Variants in MMD observed in about 807,000 individuals in gnomAD.
MMD encodes monocyte to macrophage differentiation associated, also known as monocyte to macrophage differentiation factor.
A neutral mutation model predicts 33.6 loss-of-function variants in MMD; 22 were observed. The observed-to-expected ratio is 0.66, with a 90% CI of 0.47 to 0.94. The LOEUF (loss-of-function observed/expected upper bound fraction) is 0.94. Among genes scored for constraint, MMD ranks in the 40% least tolerant of loss-of-function variants. The probability of loss-of-function intolerance (pLI) is 0.00; values close to 1 mark genes in which losing one functional copy is unlikely to be tolerated. For missense variants in MMD, 242 were observed against 309.8 expected (o/e 0.78, Z 1.64); for synonymous variants, 97 against 103.2 (o/e 0.94, Z 0.36).
chr17:55,407,200 G>A (rs529072511), intron 4 of MMD, among the ~76,000 whole-genome samples: 4 of 151,680 alleles, frequency 2.6e-5, no homozygotes, highest in East Asian at 1.9e-4. Flanking sequence ...ATGGTAGCAC[G>A]TGCCTGTAAT....
In MMD at chr17:55,393,191, C is replaced by G. The variant is rs1178771067; in HGVS notation, c.*1143G>C. ...CACTCCACTGAGCCAGGATATAACT[C>G]ATGGACTACAGATACATGAGTTTCT... On this transcript the variant is annotated 3_prime_UTR_variant, in exon 7 of 7. Transcript: ENST00000262065. The G allele has an allele frequency of 2.7e-5, 4 of 150,914 alleles. No homozygotes were observed. Among genetic ancestry groups the G allele is most frequent in the African/African-American group, 9.8e-5 (4 of 40,958 alleles). The allele number at this position is 150,914 out of a possible 1,614,324, so 9.3% of individuals were successfully genotyped here. A position where few individuals can be genotyped will look rare whatever the true frequency, so the allele number is the denominator to read the frequency against.
chr17:55,395,514 G>A (rs988212983), intron 6 of MMD, among the ~76,000 whole-genome samples: 4 of 152,212 alleles, frequency 2.6e-5, no homozygotes, highest in Non-Finnish European at 5.9e-5. Context: ...TCTAACTCAG[G>A]CACCTGATTA....
chr17:55,421,437 G>A lies in MMD; in HGVS notation c.26+233C>T, dbSNP rs183339300. 4.5e-3 allele frequency among the ~76,000 whole-genome samples: 684 copies of A among 152,320 alleles called. 3 individuals are homozygous for A. Among genetic ancestry groups the A allele is most frequent in the Non-Finnish European group, 6.5e-3 (441 of 68,028 alleles). On this transcript the variant is annotated intron_variant, in intron 1 of 6. Transcript: ENST00000262065. The stretch of plus-strand genomic sequence containing the variant: ...GTCCCGGGGCCGGGAATCCATCTGA[G>A]GTCCGCAGATCGCGAGGGGAGACCC...
chr17:55,420,311 C>T (rs1480574046), intron 1 of MMD: 1 of 152,236 alleles, frequency 6.6e-6, no homozygotes, highest in Non-Finnish European at 1.5e-5. Flanking sequence ...CTCCGGTCTT[C>T]ATTTCTGACA....
At chr17:55,414,324 G>T (rs557467326) in intron 1 of MMD, 92 bp from the exon 2 acceptor site, 3 of 1,169,020 alleles carry the variant, frequency 2.6e-6, no homozygotes, top group African/African-American at 3.0e-5. Context: ...TCTATTCTAC[G>T]CAAAGAAGTG....
At chr17:55,412,183 A>G (rs1907792465) in intron 2 of MMD, among the ~76,000 whole-genome samples, 1 of 152,252 alleles carries the variant, frequency 6.6e-6, no homozygotes, top group East Asian at 1.9e-4. Flanking sequence ...ATAATTGAAC[A>G]AATCAAGTAA....
Position 55,393,762 on chromosome 17 carries a change from C to T in MMD, c.*572G>A, listed in dbSNP as rs1298858321. ...TGTTTGTTCGTTTGTGGAATGTTGA[C>T]TGCTTGCTGCAAAAATTTACAACAT... On this transcript the variant is annotated 3_prime_UTR_variant, in exon 7 of 7. Coordinates refer to ENST00000262065, the MANE Select transcript of MMD (RefSeq NM_012329.3). 6.6e-6 allele frequency: 1 copy of T among 152,616 alleles called. No individual in the cohort carries two copies. The highest frequency in any genetic ancestry group is 1.5e-5 in the Non-Finnish European group (1 of 68,034). The allele number at this position is 152,616 out of a possible 1,614,324, so 9.5% of individuals were successfully genotyped here. A position where few individuals can be genotyped will look rare whatever the true frequency, so the allele number is the denominator to read the frequency against.
rs115379435 is a variant in MMD at position 55,397,165 on chromosome 17, T to G, written c.517-2631A>C. On this transcript the variant is annotated intron_variant, in intron 6 of 6. Transcript: ENST00000262065. ...ATCATTTCTAGCAATCCTGGTTTATTTATTTATTTATTTAGAGACAGCATC... is the reference window on the plus strand; with the variant it reads ...ATCATTTCTAGCAATCCTGGTTTATGTATTTATTTATTTAGAGACAGCATC... Among the ~76,000 whole-genome samples the G allele has an allele frequency of 5.6e-3, 845 of 152,248 alleles. 7 individuals carry two copies. The highest frequency in any genetic ancestry group is 0.019 in the African/African-American group (792 of 41,544).
chr17:55,407,806 C>T lies in MMD; in HGVS notation c.284G>A (p.Cys95Tyr). The T allele has an allele frequency of 1.3e-6, 2 of 1,591,546 alleles. No individual in the cohort carries two copies. The highest frequency in any genetic ancestry group is 1.7e-6 in the Non-Finnish European group (2 of 1,173,404). Reference protein sequence around the residue: ...KKSHLRTVEHCFHMCDRMVIY... With the variant: ...KKSHLRTVEHYFHMCDRMVIY... Reference sequence around the variant, plus strand: ...AACCATTCTATCACACATGTGAAAACAATGCTCCACTGTCCTAGCGAGGGG... The same window carrying T: ...AACCATTCTATCACACATGTGAAAATAATGCTCCACTGTCCTAGCGAGGGG... Residue 95 changes from cysteine to tyrosine, a missense_variant, in exon 4 of 7, where the codon TGT becomes TAT. Coordinates refer to ENST00000262065, the MANE Select transcript of MMD (RefSeq NM_012329.3).
chr17:55,414,255 T>C lies in MMD; in HGVS notation c.27-23A>G, dbSNP rs1442269833. 7.5e-6 allele frequency: 12 copies of C among 1,610,700 alleles called. No individual in the cohort carries two copies. The East Asian group carries it at 8.9e-5, about 12-fold the overall frequency. ...AACCTGTAAAAACAAAAAGAACACA[T>C]GTAAGAAAAACTCAAAGTGTGTGAA... is the stretch of plus-strand genomic sequence containing the variant. On this transcript the variant is annotated intron_variant, in intron 1 of 6. Transcript: ENST00000262065.
chr17:55,406,932 G>GAGGTGTGAGAATCACTTGAACCC (rs1907571355), intron 4 of MMD, among the ~76,000 whole-genome samples: 1 of 152,160 alleles, frequency 6.6e-6, no homozygotes, highest in African/African-American at 2.4e-5. Flanking sequence ...TTGGGAGAAT[G>GAGGTGTGAGAATCACTTGAACCC]AGGTGTGAGA....
At chr17:55,420,143 TAATC>T (rs1908122618) in intron 1 of MMD, 1 of 152,222 alleles carries the variant, frequency 6.6e-6, no homozygotes, top group African/African-American at 2.4e-5. Context: ...GACAAACTCT[TAATC>T]AAACAAGGAA....
chr17:55,396,866 C>T (rs1907120985), intron 6 of MMD, among the ~76,000 whole-genome samples: 1 of 152,108 alleles, frequency 6.6e-6, no homozygotes, highest in South Asian at 2.1e-4. Context: ...CCACCCACCT[C>T]GGCCTCCCAA....
intron 3 of MMD, among the ~76,000 whole-genome samples, chr17:55,410,614 C>T (rs575133367): frequency 1.3e-5 from 2 of 152,308 alleles, no homozygotes; most frequent in South Asian, 4.1e-4. Context: ...AATACGTGAA[C>T]TCTGTTTGAA....
chr17:55,401,360 TA>T (rs1207096563), intron 6 of MMD, 108 bp downstream of exon 6: 15 of 925,840 alleles, frequency 1.6e-5, no homozygotes, highest in Admixed American at 5.7e-5. Context: ...TTTGAGCCTC[TA>T]TTTAATGGAC....
At chr17:55,399,764 C>T (rs1907255282) in intron 6 of MMD, among the ~76,000 whole-genome samples, 1 of 152,122 alleles carries the variant, frequency 6.6e-6, no homozygotes, top group Non-Finnish European at 1.5e-5. Context: ...CTGCATTTGC[C>T]TGCTTGACTC....
rs202102909 is a variant in MMD at position 55,415,276 on chromosome 17, T to TA, written c.27-1045dup. On this transcript the variant is annotated intron_variant, in intron 1 of 6. Coordinates refer to ENST00000262065, the MANE Select transcript of MMD (RefSeq NM_012329.3). ...GTAGATGCACAGAAACAGACGGACGTAAAAAAAAAAAAAAATTTCAACAGC... is the reference window on the plus strand; with the variant it reads ...GTAGATGCACAGAAACAGACGGACGTAAAAAAAAAAAAAAAATTTCAACAGC... 1.9e-3 allele frequency among the ~76,000 whole-genome samples: 260 copies of TA among 139,074 alleles called. 1 individual carries two copies. Among genetic ancestry groups the TA allele is most frequent in the Middle Eastern group, 3.7e-3 (1 of 272 alleles). The allele number at this position is 139,074 out of a possible 152,430, so 91.2% of individuals were successfully genotyped here.
intron 4 of MMD, among the ~76,000 whole-genome samples, chr17:55,407,410 T>C (rs1907597996): frequency 6.6e-6 from 1 of 152,184 alleles, no homozygotes; most frequent in Non-Finnish European, 1.5e-5. Context: ...TTTCTAGTGT[T>C]CTGAACAATA....
chr17:55,411,037 G>A (rs907731390), intron 3 of MMD, among the ~76,000 whole-genome samples: 1 of 152,226 alleles, frequency 6.6e-6, no homozygotes, highest in Non-Finnish European at 1.5e-5. Flanking sequence ...TGGGGTTACT[G>A]AGCAAAGGCC....
Sources: allele counts gnomAD v4.1 joint callset (sites outside exome capture counted in the v4.1 genomes callset), GRCh38; gene constraint gnomAD v4.1.1; transcripts MANE v1.5; gene names NCBI Gene and HGNC (gene_info 2026-07-23, HGNC 2026-07-21).